Variants in LUZP2 observed in about 807,000 individuals in gnomAD.
LUZP2 encodes leucine zipper protein 2.
A neutral mutation model predicts 51.6 loss-of-function variants in LUZP2; 52 were observed. The observed-to-expected ratio is 1.01, with a 90% CI of 0.81 to 1.27. The LOEUF (loss-of-function observed/expected upper bound fraction) is 1.27. Among genes scored for constraint, LUZP2 ranks in the 50% most tolerant of loss-of-function variants. The pLI is 0.00. For synonymous variants in LUZP2, 154 were observed against 137.3 expected (o/e 1.12, Z -0.85); for missense variants, 436 against 395.4 (o/e 1.10, Z -0.87).
At chr11:24,861,338 A>G (rs1851734973) in intron 5 of LUZP2, among the ~76,000 whole-genome samples, 2 of 152,232 alleles carry the variant, frequency 1.3e-5, no homozygotes, top group African/African-American at 4.8e-5. Flanking sequence ...TCAGAGTACC[A>G]GAAAAATATG....
chr11:24,858,094 C>T (rs930782908), intron 5 of LUZP2, among the ~76,000 whole-genome samples: 3 of 151,966 alleles, frequency 2.0e-5, no homozygotes, highest in African/African-American at 7.3e-5. Context: ...AGAATTGTCC[C>T]CAGGGGGGAA....
intron 5 of LUZP2, among the ~76,000 whole-genome samples, chr11:24,886,035 G>A (rs114013095): frequency 0.014 from 2,159 of 152,208 alleles, 54 homozygotes; most frequent in African/African-American, 0.05. Context: ...TGCCATGGCT[G>A]GCTGGTGGTG....
At chr11:24,807,465 G>GC (rs1807667072) in intron 5 of LUZP2, among the ~76,000 whole-genome samples, 1 of 139,526 alleles carries the variant, frequency 7.2e-6, no homozygotes, top group Admixed American at 7.2e-5. Context: ...CATCTCAAAA[G>GC]AAAAAAAAAA....
intron 7 of LUZP2, among the ~76,000 whole-genome samples, chr11:24,924,297 C>A (rs367730161): frequency 6.6e-6 from 1 of 152,016 alleles, no homozygotes; most frequent in Non-Finnish European, 1.5e-5. Flanking sequence ...AGGATGGTCT[C>A]GGTCTCCTGA....
At chr11:24,548,199 A>G (rs898212161) in intron 1 of LUZP2, among the ~76,000 whole-genome samples, 1 of 152,038 alleles carries the variant, frequency 6.6e-6, no homozygotes, top group African/African-American at 2.4e-5. Context: ...TTCATTACTG[A>G]ATATATCCCC....
chr11:24,957,833 C>G (rs898921256), intron 7 of LUZP2, among the ~76,000 whole-genome samples: 1 of 151,962 alleles, frequency 6.6e-6, no homozygotes, highest in Non-Finnish European at 1.5e-5. Context: ...ATACATGTGC[C>G]ATGCTGGTGC....
At chr11:24,719,102 G>A (rs149747277) in intron 1 of LUZP2, among the ~76,000 whole-genome samples, 88 of 152,122 alleles carry the variant, frequency 5.8e-4, no homozygotes, top group African/African-American at 2.0e-3. Flanking sequence ...TGGCCGAAGG[G>A]GCTACTGATA....
chr11:24,839,031 A>G (rs963963284), intron 5 of LUZP2, among the ~76,000 whole-genome samples: 6 of 151,682 alleles, frequency 4.0e-5, no homozygotes, highest in Non-Finnish European at 7.4e-5. Context: ...AATAACAGCC[A>G]TATGAGATGG....
chr11:24,609,875 A>G (rs1052741965), intron 1 of LUZP2, among the ~76,000 whole-genome samples: 2 of 152,130 alleles, frequency 1.3e-5, no homozygotes, highest in Non-Finnish European at 2.9e-5. Context: ...AACCAAAAAG[A>G]CTGGCATTAA....
At chr11:24,566,773 A>G (rs1309263480) in intron 1 of LUZP2, among the ~76,000 whole-genome samples, 1 of 146,204 alleles carries the variant, frequency 6.8e-6, no homozygotes, top group African/African-American at 2.5e-5. Flanking sequence ...TGTATAAGGT[A>G]TATATACATA....
At chr11:24,953,148 A>T (rs1855122466) in intron 7 of LUZP2, among the ~76,000 whole-genome samples, 1 of 151,990 alleles carries the variant, frequency 6.6e-6, no homozygotes, top group Non-Finnish European at 1.5e-5. Context: ...TGATATGTAG[A>T]TGTTTCACTA....
At chr11:25,024,367 G>C (rs183601697) in intron 9 of LUZP2, among the ~76,000 whole-genome samples, 1 of 152,102 alleles carries the variant, frequency 6.6e-6, no homozygotes. Context: ...GTCCCTGTTT[G>C]CAGATGACAT....
intron 1 of LUZP2, among the ~76,000 whole-genome samples, chr11:24,673,083 A>T (rs924318730): frequency 6.6e-6 from 1 of 152,112 alleles, no homozygotes; most frequent in African/African-American, 2.4e-5. Flanking sequence ...CCATCCTCCC[A>T]ACATAACACC....
chr11:24,976,256 AG>A (rs1295313367), intron 7 of LUZP2, among the ~76,000 whole-genome samples: 1 of 151,972 alleles, frequency 6.6e-6, no homozygotes, highest in Non-Finnish European at 1.5e-5. Flanking sequence ...CATAAAATTC[AG>A]TCTATATCAA....
chr11:24,585,852 A>G (rs1169432718), intron 1 of LUZP2, among the ~76,000 whole-genome samples: 1 of 152,202 alleles, frequency 6.6e-6, no homozygotes, highest in African/African-American at 2.4e-5. Flanking sequence ...TGATTTCAGA[A>G]TGATGATTCT....
chr11:25,051,885 T>C (rs1358344263), intron 10 of LUZP2, among the ~76,000 whole-genome samples: 1 of 152,220 alleles, frequency 6.6e-6, no homozygotes, highest in Non-Finnish European at 1.5e-5. Flanking sequence ...CTTTTCTTAT[T>C]GAAGCCTCCT....
chr11:24,706,289 A>G (rs1347098667), intron 1 of LUZP2, among the ~76,000 whole-genome samples: 1 of 152,130 alleles, frequency 6.6e-6, no homozygotes. Flanking sequence ...GAATGCCAGG[A>G]GCTCGTTACT....
intron 1 of LUZP2, among the ~76,000 whole-genome samples, chr11:24,657,231 A>T (rs1434535938): frequency 6.6e-6 from 1 of 152,192 alleles, no homozygotes; most frequent in Non-Finnish European, 1.5e-5. Context: ...GCAGTGCTTG[A>T]ATTTAAGACA....
rs535424525 is a variant in LUZP2 at position 25,018,850 on chromosome 11, C to T, written c.766-31188C>T. On this transcript the variant is annotated intron_variant, in intron 9 of 11. Coordinates refer to ENST00000336930, the MANE Select transcript of LUZP2 (RefSeq NM_001009909.4). ...CTTGAACTCCTGGCCTCAAGTGATCCACCTGCCTCAGTCGCCCATAGTGCT... is the reference window on the plus strand; with the variant it reads ...CTTGAACTCCTGGCCTCAAGTGATCTACCTGCCTCAGTCGCCCATAGTGCT... Among the ~76,000 whole-genome samples the T allele has an allele frequency of 3.6e-4, 55 of 152,178 alleles. 3 individuals are homozygous for T. In the South Asian group the frequency reaches 0.011, roughly 30 times the overall value.
Sources: allele counts gnomAD v4.1 joint callset (sites outside exome capture counted in the v4.1 genomes callset), GRCh38; gene constraint gnomAD v4.1.1; transcripts MANE v1.5; gene names NCBI Gene and HGNC (gene_info 2026-07-23, HGNC 2026-07-21).